The following UCHL3 variants were observed in gnomAD, a reference collection of about 807,000 sequenced individuals.
The protein encoded by UCHL3 is ubiquitin carboxyl-terminal hydrolase isozyme L3.
In UCHL3, 22 loss-of-function variants were observed where a neutral mutation model predicts 35.8. The ratio of observed to expected loss-of-function variants is 0.61; its 90% CI spans 0.44 to 0.88. The LOEUF (loss-of-function observed/expected upper bound fraction) is 0.88. Ranked by LOEUF, UCHL3 falls within the 40% of genes least tolerant of loss-of-function variation. UCHL3 has a pLI of 0.00. For synonymous variants in UCHL3, 90 were observed against 92.8 expected (o/e 0.97, Z 0.17); for missense variants, 229 against 276.9 (o/e 0.83, Z 1.23).
intron 6 of UCHL3, among the ~76,000 whole-genome samples, chr13:75,592,455 T>TATATATATATATATAC (rs2032532289): frequency 9.1e-6 from 1 of 109,566 alleles, no homozygotes; most frequent in African/African-American, 3.2e-5. Context: ...TATATATATA[T>TATATATATATATATAC]ATATATATAT....
intron 6 of UCHL3, among the ~76,000 whole-genome samples, chr13:75,575,025 T>C (rs2031977919): frequency 6.6e-6 from 1 of 152,162 alleles, no homozygotes; most frequent in African/African-American, 2.4e-5. Context: ...AATAATAATA[T>C]AGTGTAATAA....
intron 7 of UCHL3, among the ~76,000 whole-genome samples, chr13:75,597,314 G>T (rs2032667548): frequency 6.6e-6 from 1 of 151,948 alleles, no homozygotes; most frequent in Non-Finnish European, 1.5e-5. Flanking sequence ...TGCTATGATT[G>T]CACCTGTGAA....
chr13:75,560,835 C>G lies in UCHL3; in HGVS notation c.137C>G (p.Pro46Arg), dbSNP rs773497877. The change falls in exon 3 of 9, where the codon CCA becomes CGA. Residue 46 changes from proline (P) to arginine (R), a missense_variant. Transcript: ENST00000377595. ...GATCCTGAACTCCTTAGCATGGTAC[C>G]AAGACCAGTCTGTGCAGTCTTACTT... ...GMDPELLSMV[P>R]RPVCAVLLLF... The G allele has an allele frequency of 6.4e-7, 1 of 1,558,208 alleles. No individual in the cohort carries two copies. Among genetic ancestry groups the G allele is most frequent in the Non-Finnish European group, 8.6e-7 (1 of 1,161,026 alleles).
At chr13:75,552,822 C>T (rs1044038459) in intron 2 of UCHL3, among the ~76,000 whole-genome samples, 4 of 152,148 alleles carry the variant, frequency 2.6e-5, no homozygotes, top group East Asian at 1.9e-4. Flanking sequence ...TATTTATGAC[C>T]GTACTAAATC....
At chr13:75,564,624 G>T (rs539739536) in intron 3 of UCHL3, among the ~76,000 whole-genome samples, 1 of 152,094 alleles carries the variant, frequency 6.6e-6, no homozygotes, top group African/African-American at 2.4e-5. Context: ...GTGCACTTGG[G>T]TTCCCTTTTC....
chr13:75,592,446 A>ACATATATATATATGTATATATG (rs1555276762), intron 6 of UCHL3, among the ~76,000 whole-genome samples: 3 of 71,082 alleles, frequency 4.2e-5, no homozygotes, highest in East Asian at 4.3e-4. Context: ...ATATATATAT[A>ACATATATATATATGTATATATG]TATATATATA....
chr13:75,592,636 CTG>C (rs1156249617), intron 6 of UCHL3, among the ~76,000 whole-genome samples: 13 of 150,354 alleles, frequency 8.6e-5, no homozygotes, highest in African/African-American at 2.7e-4. Flanking sequence ...TTTTTAGACT[CTG>C]AGACTAATTG....
At chr13:75,566,882 C>T in intron 4 of UCHL3, 31 bp downstream of exon 4, 2 of 1,566,364 alleles carry the variant, frequency 1.3e-6, no homozygotes, top group African/African-American at 1.4e-5. Flanking sequence ...GCATTTTTTC[C>T]CCCTTAAGAT....
At chr13:75,604,207 A>G (rs1305263889) in intron 7 of UCHL3, among the ~76,000 whole-genome samples, 1 of 152,186 alleles carries the variant, frequency 6.6e-6, no homozygotes, top group Non-Finnish European at 1.5e-5. Context: ...TGGACTTCTT[A>G]AAAAATAATA....
chr13:75,592,446 A>ATATACATATATACATATATGTATATATG (rs1555276764), intron 6 of UCHL3, among the ~76,000 whole-genome samples: 1 of 71,072 alleles, frequency 1.4e-5, no homozygotes, highest in Non-Finnish European at 3.2e-5. Flanking sequence ...ATATATATAT[A>ATATACATATATACATATATGTATATATG]TATATATATA....
chr13:75,586,181 T>C (rs976550784), intron 6 of UCHL3, among the ~76,000 whole-genome samples: 11 of 152,144 alleles, frequency 7.2e-5, no homozygotes, highest in African/African-American at 2.4e-4. Context: ...AGATGAACTA[T>C]ACAAACACTA....
intron 3 of UCHL3, among the ~76,000 whole-genome samples, chr13:75,564,402 G>A (rs1027098178): frequency 2.8e-4 from 42 of 151,958 alleles, no homozygotes; most frequent in African/African-American, 8.0e-4. Flanking sequence ...CACCCGCCTT[G>A]GCCTCCCAAA....
intron 7 of UCHL3, among the ~76,000 whole-genome samples, chr13:75,598,886 C>T (rs889876588): frequency 1.3e-5 from 2 of 152,140 alleles, no homozygotes; most frequent in African/African-American, 4.8e-5. Flanking sequence ...AAAAAATTCC[C>T]CCAACATTAG....
intron 7 of UCHL3, among the ~76,000 whole-genome samples, chr13:75,598,689 C>T (rs952375552): frequency 2.6e-5 from 4 of 152,164 alleles, no homozygotes; most frequent in African/African-American, 7.2e-5. Flanking sequence ...TGCATCATAT[C>T]GAGAGGCACA....
chr13:75,602,288 T>G (rs1313639904), intron 7 of UCHL3, among the ~76,000 whole-genome samples: 1 of 152,210 alleles, frequency 6.6e-6, no homozygotes, highest in Non-Finnish European at 1.5e-5. Flanking sequence ...TCATGTCGCT[T>G]GTCTCTTGTA....
chr13:75,581,050 A>G (rs2032166926), intron 6 of UCHL3, among the ~76,000 whole-genome samples: 1 of 152,162 alleles, frequency 6.6e-6, no homozygotes. Context: ...TATTCAGTAC[A>G]CTAGATTTTT....
chr13:75,573,065 G>A (rs1328479549), intron 6 of UCHL3, among the ~76,000 whole-genome samples: 2 of 152,184 alleles, frequency 1.3e-5, no homozygotes, highest in South Asian at 4.1e-4. Context: ...AGGAGCTCAA[G>A]ACTAGCCTGG....
intron 6 of UCHL3, among the ~76,000 whole-genome samples, chr13:75,592,431 T>TACATATATACATATATAC (rs1566227916): frequency 3.3e-5 from 3 of 89,734 alleles, no homozygotes; most frequent in African/African-American, 1.3e-4. Flanking sequence ...TATATATATA[T>TACATATATACATATATAC]ATATATATAT....
At chr13:75,592,013 G>C (rs2032489791) in intron 6 of UCHL3, among the ~76,000 whole-genome samples, 1 of 151,920 alleles carries the variant, frequency 6.6e-6, no homozygotes, top group African/African-American at 2.4e-5. Context: ...TTTTGGATTT[G>C]GGATGCTCAA....
Sources: allele counts gnomAD v4.1 joint callset (sites outside exome capture counted in the v4.1 genomes callset), GRCh38; gene constraint gnomAD v4.1.1; transcripts MANE v1.5; gene names NCBI Gene and HGNC (gene_info 2026-07-23, HGNC 2026-07-21).